RGS7: variants seen among roughly 807,000 people sequenced by gnomAD.
RGS7 encodes the protein regulator of G-protein signaling 7.
RGS7 carries 27 observed loss-of-function variants against 81.1 expected under a neutral mutation model. That is an observed-to-expected ratio of 0.33 (90% CI 0.25 to 0.46). The LOEUF (loss-of-function observed/expected upper bound fraction) is 0.46. Among genes scored for constraint, RGS7 ranks in the 20% least tolerant of loss-of-function variants. The probability of loss-of-function intolerance (pLI) is 1.00; values close to 1 mark genes in which losing one functional copy is unlikely to be tolerated. For synonymous variants in RGS7, 208 were observed against 207.7 expected (o/e 1.00, Z -0.01); for missense variants, 396 against 607.4 (o/e 0.65, Z 3.66).
chr1:241,109,750 G>T (rs2065382890), intron 2 of RGS7, among the ~76,000 whole-genome samples: 1 of 152,176 alleles, frequency 6.6e-6, no homozygotes, highest in Non-Finnish European at 1.5e-5. Context: ...CTTAGTTCAG[G>T]AATTTGAGAC....
Position 241,154,544 on chromosome 1 carries a change from C to T in RGS7, c.79-55782G>A, listed in dbSNP as rs116802269. Among the ~76,000 whole-genome samples, 820 of 152,228 alleles carry T rather than the reference C, an allele frequency of 5.4e-3. 12 individuals are homozygous for T. Among genetic ancestry groups the T allele is most frequent in the African/African-American group, 0.019 (792 of 41,550 alleles). The stretch of plus-strand genomic sequence containing the variant: ...AAGCCAGGACTGTGCCCAGAGAAGG[C>T]GAAGTGATTAGAACACTCTTGAAAA... On this transcript the variant is annotated intron_variant, in intron 2 of 18. Transcript: ENST00000440928.
intron 6 of RGS7, among the ~76,000 whole-genome samples, chr1:240,884,327 A>T (rs1021208856): frequency 6.6e-5 from 10 of 152,198 alleles, no homozygotes; most frequent in Non-Finnish European, 8.8e-5. Context: ...TTGACAAAAA[A>T]ATGTGACCAG....
intron 4 of RGS7, among the ~76,000 whole-genome samples, chr1:240,967,451 T>C (rs1305437566): frequency 2.6e-5 from 4 of 151,868 alleles, no homozygotes; most frequent in Non-Finnish European, 5.9e-5. Flanking sequence ...AACAAAACCT[T>C]GTGAAAAGTT....
rs140085626 is a variant in RGS7 at position 241,033,974 on chromosome 1, C to T, written c.176-50845G>A. Among the ~76,000 whole-genome samples, 10 of 152,186 alleles carry T rather than the reference C, an allele frequency of 6.6e-5. No individual in the cohort carries two copies. In the East Asian group the frequency reaches 1.9e-3, roughly 29 times the overall value. ...ATGGTGAATCCCCAAAATGAAGATA[C>T]AGTATACAGCATATCCCACAATTAT... On this transcript the variant is annotated intron_variant, in intron 3 of 18. Transcript: ENST00000440928.
intron 2 of RGS7, among the ~76,000 whole-genome samples, chr1:241,317,342 C>T (rs1329880716): frequency 6.6e-6 from 1 of 152,124 alleles, no homozygotes; most frequent in Non-Finnish European, 1.5e-5. Context: ...ATGTGAATTC[C>T]TGAGAATTTA....
chr1:241,017,921 T>C (rs2059345312), intron 3 of RGS7, among the ~76,000 whole-genome samples: 1 of 152,028 alleles, frequency 6.6e-6, no homozygotes, highest in South Asian at 2.1e-4. Context: ...TTCCAACATC[T>C]GTTTCATATG....
chr1:241,123,629 T>TA lies in RGS7; in HGVS notation c.79-24868dup, dbSNP rs2066448522. ...AGCCAGCTGTGGTGGCACATGCCTG[T>TA]AATCACAGCTACTCGGGAGGCTGAA... On this transcript the variant is annotated intron_variant, in intron 2 of 18. Coordinates refer to ENST00000440928, the MANE Select transcript of RGS7 (RefSeq NM_001364886.1). Among the ~76,000 whole-genome samples, 4 of 152,152 alleles carry TA rather than the reference T, an allele frequency of 2.6e-5. 1 individual carries two copies. The South Asian group carries it at 8.3e-4, about 32-fold the overall frequency.
intron 3 of RGS7, among the ~76,000 whole-genome samples, chr1:241,007,805 A>T (rs965246226): frequency 6.6e-6 from 1 of 152,152 alleles, no homozygotes; most frequent in Non-Finnish European, 1.5e-5. Context: ...AGGTTTGCTG[A>T]GAGGTCCTGA....
At chr1:240,822,281 G>A (rs10802909) in intron 10 of RGS7, among the ~76,000 whole-genome samples, 106,609 of 151,964 alleles carry the variant, frequency 0.7, 37,711 homozygotes, top group Middle Eastern at 0.79. Context: ...AAGAAGCGCT[G>A]TCCCACAAAA....
chr1:240,802,167 C>A (rs1185277297), intron 16 of RGS7, among the ~76,000 whole-genome samples: 1 of 152,120 alleles, frequency 6.6e-6, no homozygotes, highest in Non-Finnish European at 1.5e-5. Flanking sequence ...ATGAACTACA[C>A]AAAATTATAA....
At chr1:240,832,293 T>A (rs932029008) in intron 9 of RGS7, among the ~76,000 whole-genome samples, 7 of 152,224 alleles carry the variant, frequency 4.6e-5, no homozygotes, top group African/African-American at 1.7e-4. Context: ...TAAGGAATAA[T>A]GAAATGCTAT....
In RGS7 at chr1:240,972,773, C is replaced by A. The variant is rs560660215; in HGVS notation, c.226+10306G>T. 2.7e-5 allele frequency among the ~76,000 whole-genome samples: 4 copies of A among 147,112 alleles called. No homozygotes were observed. In the South Asian group the frequency reaches 6.5e-4, roughly 24 times the overall value. On this transcript the variant is annotated intron_variant, in intron 4 of 18. Transcript: ENST00000440928. ...CAGTGGCTTATACCTGTAATCCCAG[C>A]ACCTTGAGAGGCCAAGGCAGGGAGA...
At chr1:240,793,611 A>ATATTTTTTTTTTTTTTTT in intron 18 of RGS7, among the ~76,000 whole-genome samples, 5 of 78,814 alleles carry the variant, frequency 6.3e-5, no homozygotes, top group African/African-American at 3.9e-4. Flanking sequence ...ATATATATAT[A>ATATTTTTTTTTTTTTTTT]TTTTTTTTTT....
At chr1:241,239,054 C>G (rs747939305) in intron 2 of RGS7, among the ~76,000 whole-genome samples, 1 of 150,762 alleles carries the variant, frequency 6.6e-6, no homozygotes, top group Non-Finnish European at 1.5e-5. Context: ...CTGCAACCTC[C>G]GCCTCCCGGG....
At chr1:241,086,789 C>T (rs1195161383) in intron 3 of RGS7, among the ~76,000 whole-genome samples, 1 of 152,192 alleles carries the variant, frequency 6.6e-6, no homozygotes, top group African/African-American at 2.4e-5. Flanking sequence ...ACTTTCCAAA[C>T]ACCTCATCCT....
At chr1:241,123,588 T>A (rs1186768063) in intron 2 of RGS7, among the ~76,000 whole-genome samples, 2 of 152,110 alleles carry the variant, frequency 1.3e-5, no homozygotes, top group Non-Finnish European at 2.9e-5. Flanking sequence ...CCGTCTCTAC[T>A]AAAAATACAA....
At position 240,868,463 on chromosome 1, in the gene RGS7, T is replaced by C. The variant is rs1396928640; in HGVS notation, c.609+124A>G. The stretch of plus-strand genomic sequence containing the variant: ...AAAGTGGTGATCTTTTCTTAATGAA[T>C]TCACCAAGATACCATGGAGCGTGCA... On this transcript the variant is annotated intron_variant, in intron 9 of 18. Transcript: ENST00000440928. This position sits in a 1 kb window ranked among gnomAD's most constrained non-coding sequence, Gnocchi z 5.1. 1 of 805,422 alleles carries C rather than the reference T, an allele frequency of 1.2e-6. No individual in the cohort carries two copies. Among genetic ancestry groups the C allele is most frequent in the South Asian group, 1.4e-5 (1 of 73,246 alleles). 49.9% of individuals were successfully genotyped at this position (805,422 alleles called of 1,614,324 possible).
intron 2 of RGS7, among the ~76,000 whole-genome samples, chr1:241,212,562 G>A (rs1343894099): frequency 6.6e-6 from 1 of 152,178 alleles, no homozygotes; most frequent in Non-Finnish European, 1.5e-5. Context: ...GCTTACAGGA[G>A]GAAGCTCCTA....
chr1:240,780,139 A>G (rs12743103), intron 18 of RGS7, among the ~76,000 whole-genome samples: 117,020 of 152,084 alleles, frequency 0.77, 45,380 homozygotes, highest in African/African-American at 0.83. Context: ...GAGACTGAAC[A>G]ATTTATATTT....
Sources: gnomAD v4.1 joint callset for allele counts (sites outside exome capture counted in the v4.1 genomes callset) on GRCh38, gnomAD v4.1.1 for gene constraint, Gnocchi (gnomAD v3.1) non-coding constraint, MANE v1.5 for transcripts, NCBI Gene and HGNC (gene_info 2026-07-23, HGNC 2026-07-21) for gene names.